The following NISCH variants were observed in gnomAD, a reference collection of about 807,000 sequenced individuals.
NISCH encodes the protein nischarin.
A neutral mutation model predicts 138.4 loss-of-function variants in NISCH; 55 were observed. The observed-to-expected ratio is 0.40, with a 90% CI of 0.32 to 0.50. The LOEUF is 0.50. Among genes scored for constraint, NISCH ranks in the 20% least tolerant of loss-of-function variants. The probability of loss-of-function intolerance (pLI) is 0.71; values close to 1 mark genes in which losing one functional copy is unlikely to be tolerated. For missense variants in NISCH, 1,643 were observed against 2,005.5 expected, an observed-to-expected ratio of 0.82 and a Z score of 3.45; for synonymous variants, 860 against 861.5, an observed-to-expected ratio of 1.00 and a Z score of 0.03.
chr3:52,471,621 C>A, intron 4 of NISCH, 193 bp from the exon 5 acceptor site: 1 of 616,978 alleles, frequency 1.6e-6, no homozygotes. Context: ...CCTCTGTCAT[C>A]ACATGTCTAG....
At chr3:52,472,191 G>A in intron 5 of NISCH, 112 bp from the exon 6 acceptor site, 2 of 1,123,672 alleles carry the variant, frequency 1.8e-6, no homozygotes, top group Admixed American at 3.7e-5. Context: ...GCCTGAGCCT[G>A]CTTTGTTGAA....
intron 13 of NISCH, among the ~76,000 whole-genome samples, chr3:52,483,933 G>A (rs1707342447): frequency 5.9e-5 from 9 of 152,274 alleles, no homozygotes; most frequent in Admixed American, 5.9e-4. Flanking sequence ...CACACAGTCA[G>A]TCTGACTTTG....
chr3:52,462,461 G>A (rs756386042), intron 3 of NISCH, among the ~76,000 whole-genome samples: 14 of 152,140 alleles, frequency 9.2e-5, no homozygotes, highest in South Asian at 2.1e-4. Flanking sequence ...TTCATTTGGG[G>A]CCTAAAGATT....
At position 52,483,978 on chromosome 3, in the gene NISCH, C is replaced by G. The variant is rs973467479; in HGVS notation, c.1529-535C>G. ...GAGAGGCAACACTTGTCTCTTGTTT[C>G]AGCTTGCCTTTCTTTGTGTACTTCT... On this transcript the variant is annotated intron_variant, in intron 13 of 20. Transcript: ENST00000345716. Among the ~76,000 whole-genome samples the G allele has an allele frequency of 2.0e-5, 3 of 152,258 alleles. No homozygotes were observed. In the East Asian group the frequency reaches 5.8e-4, roughly 29 times the overall value.
intron 3 of NISCH, among the ~76,000 whole-genome samples, chr3:52,463,254 T>C (rs921996229): frequency 6.6e-6 from 1 of 152,246 alleles, no homozygotes; most frequent in Non-Finnish European, 1.5e-5. Context: ...GCCTTATCTT[T>C]TCAAGGTCCG....
At chr3:52,458,521 G>A in intron 2 of NISCH, 141 bp from the exon 3 acceptor site, 1 of 618,888 alleles carries the variant, frequency 1.6e-6, no homozygotes, top group South Asian at 2.4e-5. Context: ...AGGTGCACTA[G>A]TTTGGTCACT....
In NISCH at chr3:52,472,329, G is replaced by A. The variant is rs1246145955; in HGVS notation, c.600G>A (p.Gly200=). ...TTTCTGGCACAGAAGGACCTTTTGG[G>A]ACCAGCAACATTCAGGAGCAGCTCC... is the stretch of plus-strand genomic sequence containing the variant. ...LKVSGTEGPF[G]TSNIQEQLLP... Residue 200 remains glycine (G), a synonymous_variant, in exon 6 of 21, where the codon GGG becomes GGA. Coordinates refer to ENST00000345716, the MANE Select transcript of NISCH (RefSeq NM_007184.4). 1.2e-6 allele frequency: 2 copies of A among 1,614,120 alleles called. No homozygotes were observed. Among genetic ancestry groups the A allele is most frequent in the East Asian group, 2.2e-5 (1 of 44,882 alleles).
intron 3 of NISCH, among the ~76,000 whole-genome samples, chr3:52,468,861 A>G (rs1706860014): frequency 6.6e-6 from 1 of 152,172 alleles, no homozygotes; most frequent in South Asian, 2.1e-4. Flanking sequence ...GAATATTTTT[A>G]TAATTGTGGA....
chr3:52,486,059 A>G (rs906101192), intron 15 of NISCH, among the ~76,000 whole-genome samples: 2 of 152,216 alleles, frequency 1.3e-5, no homozygotes, highest in African/African-American at 2.4e-5. Flanking sequence ...GGGGTTGGCA[A>G]ATCAAGGCCT....
chr3:52,480,668 T>C (rs1707246477), intron 13 of NISCH: 3 of 1,422,824 alleles, frequency 2.1e-6, no homozygotes, highest in Non-Finnish European at 2.7e-6. Context: ...GAAGCCGGGC[T>C]TGTGACTTTA....
intron 3 of NISCH, among the ~76,000 whole-genome samples, chr3:52,463,038 G>A (rs946550781): frequency 2.6e-5 from 4 of 152,148 alleles, no homozygotes; most frequent in Non-Finnish European, 4.4e-5. Flanking sequence ...AAAGTTGAGC[G>A]ACCATCACCA....
At chr3:52,483,080 CAGG>C (rs1266149562) in intron 13 of NISCH, among the ~76,000 whole-genome samples, 12 of 152,204 alleles carry the variant, frequency 7.9e-5, no homozygotes, top group Non-Finnish European at 2.9e-5. Context: ...GGGTGGATTG[CAGG>C]AGAGCAGCGG....
rs1010058342 is a variant in NISCH, at chr3:52,463,827, G to A, written c.360+4983G>A. 1.2e-4 allele frequency among the ~76,000 whole-genome samples: 17 copies of A among 145,328 alleles called. 1 individual carries two copies. In the South Asian group the frequency reaches 2.9e-3, roughly 25 times the overall value. ...CAACCTCTGTCTCCTGGGTTCAAGC[G>A]ATTCTCGTGCCTCAGCCTCCCGAGT... On this transcript the variant is annotated intron_variant, in intron 3 of 20. Coordinates refer to ENST00000345716, the MANE Select transcript of NISCH (RefSeq NM_007184.4).
At chr3:52,490,422 G>A (rs1226834557) in intron 18 of NISCH, among the ~76,000 whole-genome samples, 191 bp downstream of exon 18, 1 of 152,230 alleles carries the variant, frequency 6.6e-6, no homozygotes, top group Non-Finnish European at 1.5e-5. Context: ...TGTGAACGCA[G>A]AATGCACTGA....
At chr3:52,456,078 G>A (rs1340471264) in intron 1 of NISCH, among the ~76,000 whole-genome samples, 1 of 152,110 alleles carries the variant, frequency 6.6e-6, no homozygotes, top group Non-Finnish European at 1.5e-5. Flanking sequence ...GAGGGGCCCC[G>A]GCCTGGAAGA....
chr3:52,464,478 T>G (rs992908014), intron 3 of NISCH, among the ~76,000 whole-genome samples: 44 of 149,802 alleles, frequency 2.9e-4, no homozygotes, highest in African/African-American at 1.0e-3. Context: ...ACTAGACTTT[T>G]AGAAACATGC....
chr3:52,482,217 G>A (rs1007771797), intron 13 of NISCH, among the ~76,000 whole-genome samples: 4 of 152,182 alleles, frequency 2.6e-5, no homozygotes, highest in African/African-American at 9.7e-5. Flanking sequence ...TTTTTAGCGC[G>A]TGGGAGCAGC....
chr3:52,463,012 T>A (rs1706680084), intron 3 of NISCH, among the ~76,000 whole-genome samples: 1 of 152,164 alleles, frequency 6.6e-6, no homozygotes, highest in South Asian at 2.1e-4. Context: ...AATTCAGTAG[T>A]TTTTAGTATA....
chr3:52,470,956 T>G, intron 4 of NISCH, 49 bp downstream of exon 4: 10 of 1,598,922 alleles, frequency 6.3e-6, no homozygotes, highest in Non-Finnish European at 8.6e-6. Flanking sequence ...TGTGTAGTTT[T>G]ATGAGGCGGC....
Sources: gnomAD v4.1 joint callset for allele counts (sites outside exome capture counted in the v4.1 genomes callset) on GRCh38, gnomAD v4.1.1 for gene constraint, MANE v1.5 for transcripts, NCBI Gene and HGNC (gene_info 2026-07-23, HGNC 2026-07-21) for gene names.